Variants in SH3D19 observed in about 807,000 individuals in gnomAD.
SH3D19 encodes SH3 domain containing 19.
A neutral mutation model predicts 112.1 loss-of-function variants in SH3D19; 58 were observed. That is an observed-to-expected ratio of 0.52 (90% CI 0.42 to 0.64). The LOEUF is 0.64. Among genes scored for constraint, SH3D19 ranks in the 30% least tolerant of loss-of-function variants. The pLI is 0.00. For synonymous variants in SH3D19, 391 were observed against 448.5 expected, an observed-to-expected ratio of 0.87 and a Z score of 1.62; for missense variants, 1,090 against 1,263.4, an observed-to-expected ratio of 0.86 and a Z score of 2.08.
At chr4:151,160,530 C>T (rs1335562675) in intron 8 of SH3D19, among the ~76,000 whole-genome samples, 1 of 152,134 alleles carries the variant, frequency 6.6e-6, no homozygotes, top group Non-Finnish European at 1.5e-5. Context: ...CCAAGATGAC[C>T]AAATTAGTGA....
At chr4:151,279,378 T>C (rs1224827235) in intron 1 of SH3D19, among the ~76,000 whole-genome samples, 3 of 152,172 alleles carry the variant, frequency 2.0e-5, no homozygotes, top group African/African-American at 4.8e-5. Flanking sequence ...TTAAATGATA[T>C]TCCATGTGTG....
rs368286713 is a variant in SH3D19 at position 151,246,039 on chromosome 4, T to C, written c.113-19953A>G. On this transcript the variant is annotated intron_variant, in intron 1 of 19. Transcript: ENST00000604030. ...TGACTTTATAACCCCATTGAAGACA[T>C]ACAAAAAAAAAAAAAAAGGCTGAAA... Among the ~76,000 whole-genome samples the C allele has an allele frequency of 1.2e-3, 126 of 107,858 alleles. 1 individual carries two copies. In the East Asian group the frequency reaches 0.025, roughly 21 times the overall value. The allele number at this position is 107,858 out of a possible 152,430, so 70.8% of individuals were successfully genotyped here.
chr4:151,256,081 C>CT (rs1379772450), intron 1 of SH3D19, among the ~76,000 whole-genome samples: 2 of 147,436 alleles, frequency 1.4e-5, no homozygotes, highest in African/African-American at 2.5e-5. Flanking sequence ...TTTAAACTGT[C>CT]TTTCTCCCTC....
chr4:151,304,933 T>TG (rs1303740675), intron 1 of SH3D19, among the ~76,000 whole-genome samples: 1 of 152,202 alleles, frequency 6.6e-6, no homozygotes, highest in African/African-American at 2.4e-5. Flanking sequence ...CTGCATAAGC[T>TG]GGGAGGTTCT....
intron 7 of SH3D19, among the ~76,000 whole-genome samples, chr4:151,169,985 T>C (rs936584300): frequency 1.3e-5 from 2 of 152,270 alleles, no homozygotes; most frequent in Non-Finnish European, 1.5e-5. Context: ...GGATACCTCA[T>C]AGTAGGAGAA....
At chr4:151,170,186 C>A (rs1239672836) in intron 7 of SH3D19, among the ~76,000 whole-genome samples, 1 of 152,082 alleles carries the variant, frequency 6.6e-6, no homozygotes, top group African/African-American at 2.4e-5. Context: ...ACATTGGTTA[C>A]CGTGGGGAGT....
At chr4:151,260,269 A>G (rs1458653193) in intron 1 of SH3D19, among the ~76,000 whole-genome samples, 1 of 152,144 alleles carries the variant, frequency 6.6e-6, no homozygotes, top group Non-Finnish European at 1.5e-5. Context: ...ATATTTGCTG[A>G]TAACACTCGC....
chr4:151,224,164 C>A (rs377101618), intron 2 of SH3D19, among the ~76,000 whole-genome samples: 1 of 152,148 alleles, frequency 6.6e-6, no homozygotes, highest in East Asian at 1.9e-4. Flanking sequence ...AAAAAATTAG[C>A]CAGGCATGGT....
At chr4:151,206,684 T>G (rs537732569) in intron 2 of SH3D19, among the ~76,000 whole-genome samples, 6 of 152,286 alleles carry the variant, frequency 3.9e-5, no homozygotes, top group African/African-American at 9.6e-5. Context: ...CTTGTGAGGT[T>G]AAAACAACTG....
intron 12 of SH3D19, chr4:151,141,128 T>C (rs1289553557): frequency 6.6e-6 from 1 of 152,150 alleles, no homozygotes; most frequent in Admixed American, 6.5e-5. Flanking sequence ...AGGTCTGACA[T>C]GGCTTTTTTT....
chr4:151,324,278 T>C (rs545184142), intron 1 of SH3D19, among the ~76,000 whole-genome samples: 1 of 152,324 alleles, frequency 6.6e-6, no homozygotes, highest in South Asian at 2.1e-4. Flanking sequence ...TTTTTCCAAC[T>C]TTCTCTTAGT....
chr4:151,318,460 T>C (rs1392171257), intron 1 of SH3D19, among the ~76,000 whole-genome samples: 1 of 152,140 alleles, frequency 6.6e-6, no homozygotes, highest in Non-Finnish European at 1.5e-5. Flanking sequence ...TTCCAAGAGA[T>C]ACATGAATGC....
At chr4:151,318,317 A>G (rs1730210152) in intron 1 of SH3D19, among the ~76,000 whole-genome samples, 3 of 150,992 alleles carry the variant, frequency 2.0e-5, no homozygotes, top group Non-Finnish European at 3.0e-5. Flanking sequence ...AAAAAAAAAA[A>G]AAAAGAAAGA....
chr4:151,151,397 T>G (rs1396900426), intron 9 of SH3D19, among the ~76,000 whole-genome samples: 1 of 145,442 alleles, frequency 6.9e-6, no homozygotes, highest in Non-Finnish European at 1.5e-5. Flanking sequence ...ATTACATTGC[T>G]TTTTTTTTTT....
intron 1 of SH3D19, chr4:151,282,385 CG>C (rs758463869): frequency 1.5e-5 from 25 of 1,613,600 alleles, no homozygotes; most frequent in Admixed American, 1.2e-4. Flanking sequence ...GTTGGGTGAC[CG>C]GATGGGGAAA....
chr4:151,129,635 G>A (rs1448931716), intron 17 of SH3D19, among the ~76,000 whole-genome samples: 1 of 152,214 alleles, frequency 6.6e-6, no homozygotes, highest in Non-Finnish European at 1.5e-5. Context: ...CTCCCAAGGT[G>A]CTGGGATTAC....
chr4:151,180,631 C>T (rs1760748637), intron 3 of SH3D19, among the ~76,000 whole-genome samples: 1 of 151,832 alleles, frequency 6.6e-6, no homozygotes, highest in Non-Finnish European at 1.5e-5. Context: ...TGGTCTCGAT[C>T]TCCCGACCTT....
intron 19 of SH3D19, among the ~76,000 whole-genome samples, chr4:151,124,528 G>A (rs533476447): frequency 6.6e-6 from 1 of 152,150 alleles, no homozygotes; most frequent in African/African-American, 2.4e-5. Flanking sequence ...AGACCAGCCC[G>A]GCAACACAGT....
intron 1 of SH3D19, among the ~76,000 whole-genome samples, chr4:151,230,079 T>C (rs1389303362): frequency 6.6e-6 from 1 of 152,146 alleles, no homozygotes; most frequent in Non-Finnish European, 1.5e-5. Flanking sequence ...CTATCATGGG[T>C]CAAGGATTCT....
Sources: allele counts gnomAD v4.1 joint callset (sites outside exome capture counted in the v4.1 genomes callset), GRCh38; gene constraint gnomAD v4.1.1; transcripts MANE v1.5; gene names NCBI Gene and HGNC (gene_info 2026-07-23, HGNC 2026-07-21).